AFF3: variants seen among roughly 807,000 people sequenced by gnomAD.
AFF3 encodes the protein ALF transcription elongation factor 3.
In AFF3, 32 loss-of-function variants were observed where a neutral mutation model predicts 129.7. The ratio of observed to expected loss-of-function variants is 0.25; its 90% CI spans 0.19 to 0.33. AFF3 has a LOEUF of 0.33. Ranked by LOEUF, AFF3 falls within the 10% of genes least tolerant of loss-of-function variation. AFF3 has a pLI of 1.00. For missense variants in AFF3, 1,373 were observed against 1,592.0 expected (o/e 0.86, Z 2.34); for synonymous variants, 644 against 635.4 (o/e 1.01, Z -0.20).
chr2:99,872,649 T>TAAAATAAAATAAAA (rs1558934487), intron 7 of AFF3, among the ~76,000 whole-genome samples: 3 of 151,642 alleles, frequency 2.0e-5, no homozygotes, highest in African/African-American at 7.3e-5. Flanking sequence ...TAAAATAAAA[T>TAAAATAAAATAAAA]TTATCGGTCT....
chr2:99,672,630 T>G, intron 11 of AFF3, 41 bp from the exon 12 acceptor site: 3 of 1,589,556 alleles, frequency 1.9e-6, no homozygotes, highest in Non-Finnish European at 2.6e-6. Flanking sequence ...GTACAGATAG[T>G]TAGTGGATTC....
At chr2:99,847,759 C>A (rs1451225758) in intron 7 of AFF3, among the ~76,000 whole-genome samples, 5 of 151,972 alleles carry the variant, frequency 3.3e-5, no homozygotes, top group African/African-American at 1.2e-4. Context: ...TGAATTTTCA[C>A]GTAAAACATC....
chr2:99,834,944 T>G (rs1319804072), intron 8 of AFF3, among the ~76,000 whole-genome samples: 3 of 152,202 alleles, frequency 2.0e-5, no homozygotes, highest in African/African-American at 7.2e-5. Flanking sequence ...CTCAGACCTC[T>G]GCTCTGACCT....
At chr2:99,797,450 T>C (rs1219745926) in intron 8 of AFF3, among the ~76,000 whole-genome samples, 1 of 152,028 alleles carries the variant, frequency 6.6e-6, no homozygotes, top group African/African-American at 2.4e-5. Flanking sequence ...TCATGTGTGA[T>C]CTAATGTACA....
chr2:99,776,154 A>T (rs111927448), intron 8 of AFF3, among the ~76,000 whole-genome samples: 1 of 152,224 alleles, frequency 6.6e-6, no homozygotes, highest in African/African-American at 2.4e-5. Context: ...CATCGGGGGA[A>T]AAAAGGAATG....
chr2:99,959,583 T>C (rs1677022867), intron 7 of AFF3, among the ~76,000 whole-genome samples: 1 of 151,228 alleles, frequency 6.6e-6, no homozygotes, highest in South Asian at 2.1e-4. Context: ...AAAAAAATCT[T>C]CCTCACAATC....
At position 99,597,119 on chromosome 2, in the gene AFF3, C is replaced by G. The variant is rs543378765; in HGVS notation, c.1372-2830G>C. Among the ~76,000 whole-genome samples the G allele has an allele frequency of 3.2e-4, 49 of 152,270 alleles. 1 individual carries two copies. The highest frequency in any genetic ancestry group is 1.2e-3 in the African/African-American group (48 of 41,538). On this transcript the variant is annotated intron_variant, in intron 14 of 24. Coordinates refer to ENST00000672756, the MANE Select transcript of AFF3 (RefSeq NM_001386135.1). Reference sequence around the variant, plus strand: ...AGGCTCAGAGAGGCTAAGGGACATACCCAGAGCTGCACAGCTACCGGGCTC... The same window carrying G: ...AGGCTCAGAGAGGCTAAGGGACATAGCCAGAGCTGCACAGCTACCGGGCTC...
chr2:99,759,821 G>T (rs115715273), intron 8 of AFF3, among the ~76,000 whole-genome samples: 2,587 of 152,234 alleles, frequency 0.017, 38 homozygotes, highest in South Asian at 0.048. Flanking sequence ...CACTAGAATT[G>T]CATGGGAAAA....
intron 11 of AFF3, among the ~76,000 whole-genome samples, chr2:99,675,851 T>C (rs1393502442): frequency 6.6e-6 from 1 of 152,216 alleles, no homozygotes. Flanking sequence ...TTTTATCATT[T>C]GTCTGTTTCC....
intron 24 of AFF3, 43 bp downstream of exon 24, chr2:99,554,268 C>T (rs533471954): frequency 3.3e-5 from 53 of 1,603,574 alleles, no homozygotes; most frequent in Middle Eastern, 1.7e-4. Context: ...CGCTTGAACC[C>T]GGGAGGCGGA....
At chr2:99,582,123 G>T (rs1677624779) in intron 17 of AFF3, among the ~76,000 whole-genome samples, 1 of 152,182 alleles carries the variant, frequency 6.6e-6, no homozygotes. Context: ...CCAAAGTGCT[G>T]GGATTACAGG....
At chr2:99,957,493 T>C (rs746830245) in intron 7 of AFF3, among the ~76,000 whole-genome samples, 31 of 152,178 alleles carry the variant, frequency 2.0e-4, no homozygotes, top group African/African-American at 4.1e-4. Flanking sequence ...GAGGGAGTCA[T>C]TGTATTTCTT....
At chr2:99,909,308 AG>A (rs1226681501) in intron 7 of AFF3, among the ~76,000 whole-genome samples, 4 of 142,846 alleles carry the variant, frequency 2.8e-5, no homozygotes, top group Admixed American at 6.9e-5. Context: ...GGACACAGGA[AG>A]GGGAACATCA....
In AFF3 at chr2:99,736,609, T is replaced by TA. The variant is rs1491440308; in HGVS notation, c.1039+7494_1039+7495insT. 1.4e-3 allele frequency among the ~76,000 whole-genome samples: 8 copies of TA among 5,520 alleles called. No homozygotes were observed. In the East Asian group the frequency reaches 0.097, roughly 67 times the overall value. 3.6% of individuals were successfully genotyped at this position (5,520 alleles called of 152,430 possible). ...CTAATCCATTTGTTTAAATTACTGA[T>TA]TTTTTTTTTTTTTTTTTTGAGACGG... is the stretch of plus-strand genomic sequence containing the variant. On this transcript the variant is annotated intron_variant, in intron 10 of 24. Transcript: ENST00000672756.
At chr2:99,910,056 C>T (rs1235237298) in intron 7 of AFF3, among the ~76,000 whole-genome samples, 1 of 152,084 alleles carries the variant, frequency 6.6e-6, no homozygotes, top group African/African-American at 2.4e-5. Flanking sequence ...TTATGTATAG[C>T]CGCAGTATGT....
intron 11 of AFF3, among the ~76,000 whole-genome samples, chr2:99,674,782 C>T (rs939721229): frequency 4.6e-5 from 7 of 152,118 alleles, no homozygotes; most frequent in African/African-American, 7.2e-5. Flanking sequence ...CAACATGGCC[C>T]GAAGTGAGGG....
At chr2:100,140,585 C>T (rs545874960) in intron 1 of AFF3, among the ~76,000 whole-genome samples, 3 of 152,260 alleles carry the variant, frequency 2.0e-5, no homozygotes, top group African/African-American at 4.8e-5. Context: ...GGCTCAGATA[C>T]AATAACAAAA....
At chr2:99,707,905 C>A (rs995621420) in intron 11 of AFF3, among the ~76,000 whole-genome samples, 2 of 152,086 alleles carry the variant, frequency 1.3e-5, no homozygotes, top group African/African-American at 4.8e-5. Context: ...CCCTTCTTCA[C>A]CTATCTTGTA....
chr2:100,011,198 C>G (rs6739527), intron 4 of AFF3, among the ~76,000 whole-genome samples: 1 of 151,898 alleles, frequency 6.6e-6, no homozygotes, highest in African/African-American at 2.4e-5. Context: ...GGCACGAACC[C>G]GGGAGGCGGA....
Sources: gnomAD v4.1 joint callset for allele counts (sites outside exome capture counted in the v4.1 genomes callset) on GRCh38, gnomAD v4.1.1 for gene constraint, MANE v1.5 for transcripts, NCBI Gene and HGNC (gene_info 2026-07-23, HGNC 2026-07-21) for gene names.